The following COMMD10 variants were observed in gnomAD, a reference collection of about 807,000 sequenced individuals.
The protein encoded by COMMD10 is COMM domain-containing protein 10.
A neutral mutation model predicts 28.9 loss-of-function variants in COMMD10; 33 were observed. The ratio of observed to expected loss-of-function variants is 1.14; its 90% CI spans 0.87 to 1.53. The LOEUF is 1.53. COMMD10 is among the 40% of genes most tolerant of loss of function. The pLI is 0.00. For synonymous variants in COMMD10, 110 were observed against 81.7 expected, an observed-to-expected ratio of 1.35 and a Z score of -1.87; for missense variants, 310 against 233.4, an observed-to-expected ratio of 1.33 and a Z score of -2.14.
chr5:116,089,001 T>A (rs938168501), intron 2 of COMMD10, among the ~76,000 whole-genome samples: 1 of 152,212 alleles, frequency 6.6e-6, no homozygotes, highest in Non-Finnish European at 1.5e-5. Context: ...TTATTTTCCT[T>A]GCTGTGGAAA....
chr5:116,132,127 T>C (rs1472681307), intron 4 of COMMD10, among the ~76,000 whole-genome samples: 4 of 151,986 alleles, frequency 2.6e-5, no homozygotes, highest in Non-Finnish European at 4.4e-5. Context: ...TGGGAATATG[T>C]GGATGATGAG....
At chr5:116,249,542 A>T (rs902800389) in intron 5 of COMMD10, among the ~76,000 whole-genome samples, 14 of 151,976 alleles carry the variant, frequency 9.2e-5, no homozygotes, top group Non-Finnish European at 1.9e-4. Flanking sequence ...TGACTAGAGA[A>T]TTCAAAAATG....
At chr5:116,288,105 G>C (rs540584097) in intron 5 of COMMD10, among the ~76,000 whole-genome samples, 1 of 151,612 alleles carries the variant, frequency 6.6e-6, no homozygotes, top group African/African-American at 2.4e-5. Flanking sequence ...TTAGCATTTT[G>C]TATAGATTAG....
chr5:116,105,743 C>T (rs1231829822), intron 4 of COMMD10, among the ~76,000 whole-genome samples: 2 of 152,110 alleles, frequency 1.3e-5, no homozygotes, highest in East Asian at 1.9e-4. Context: ...AGTTTATTTG[C>T]GTAGATGTGT....
chr5:116,208,884 A>C (rs944448180), intron 5 of COMMD10, among the ~76,000 whole-genome samples: 1 of 152,188 alleles, frequency 6.6e-6, no homozygotes, highest in African/African-American at 2.4e-5. Flanking sequence ...CTGTGTATTT[A>C]TGGGATGCAG....
At chr5:116,178,233 C>T (rs1203289128) in intron 5 of COMMD10, among the ~76,000 whole-genome samples, 1 of 151,986 alleles carries the variant, frequency 6.6e-6, no homozygotes, top group East Asian at 1.9e-4. Flanking sequence ...TTCTTTTATT[C>T]TCATTAGTAT....
intron 4 of COMMD10, among the ~76,000 whole-genome samples, chr5:116,112,795 T>C (rs942143043): frequency 5.3e-5 from 8 of 152,216 alleles, no homozygotes; most frequent in Admixed American, 2.6e-4. Context: ...GTTCCTGTCA[T>C]ATTGTTTTTT....
At chr5:116,146,899 A>G (rs1288036614) in intron 5 of COMMD10, among the ~76,000 whole-genome samples, 1 of 151,828 alleles carries the variant, frequency 6.6e-6, no homozygotes, top group Non-Finnish European at 1.5e-5. Context: ...TTTGTTTTTC[A>G]AAGTTTCTCA....
At position 116,242,042 on chromosome 5, in the gene COMMD10, A is replaced by G. The variant is rs927988125; in HGVS notation, c.511-49475A>G. Among the ~76,000 whole-genome samples the G allele has an allele frequency of 3.3e-5, 5 of 152,178 alleles. No homozygotes were observed. The East Asian group carries it at 7.7e-4, about 23-fold the overall frequency. ...AGGCAGACCTATGTCACCTGGAGTCATAGGACCCTGAGTTATCTCCTAAGG... is the reference window on the plus strand; with the variant it reads ...AGGCAGACCTATGTCACCTGGAGTCGTAGGACCCTGAGTTATCTCCTAAGG... On this transcript the variant is annotated intron_variant, in intron 5 of 6. Transcript: ENST00000274458.
At chr5:116,119,367 A>G (rs891132580) in intron 4 of COMMD10, among the ~76,000 whole-genome samples, 1 of 152,224 alleles carries the variant, frequency 6.6e-6, no homozygotes, top group African/African-American at 2.4e-5. Context: ...TAGCAGCCAA[A>G]TTAAAAGTAC....
In COMMD10 at chr5:116,271,807, A is replaced by C. The variant is rs532011463; in HGVS notation, c.511-19710A>C. On this transcript the variant is annotated intron_variant, in intron 5 of 6. Coordinates refer to ENST00000274458, the MANE Select transcript of COMMD10 (RefSeq NM_016144.4). ...AACTCTTAGGCCATTATTTCCCCCTACTTTACATAATATTGCTCCATACAA... is the reference window on the plus strand; with the variant it reads ...AACTCTTAGGCCATTATTTCCCCCTCCTTTACATAATATTGCTCCATACAA... Among the ~76,000 whole-genome samples the C allele has an allele frequency of 1.5e-4, 23 of 151,802 alleles. 1 individual carries two copies. The highest frequency in any genetic ancestry group is 5.3e-4 in the African/African-American group (22 of 41,168).
chr5:116,292,635 A>G lies in COMMD10; in HGVS notation c.*146A>G. The G allele has an allele frequency of 1.9e-6, 1 of 521,224 alleles. No individual in the cohort carries two copies. The highest frequency in any genetic ancestry group is 3.0e-5 in the East Asian group (1 of 33,542). 32.3% of individuals were successfully genotyped at this position (521,224 alleles called of 1,614,324 possible). A position where few individuals can be genotyped will look rare whatever the true frequency, so the allele number is the denominator to read the frequency against. On this transcript the variant is annotated 3_prime_UTR_variant, in exon 7 of 7. Transcript: ENST00000274458. ...CTTATCACTTCTTAGACAAATAACA[A>G]CCAATAGAGATCATTGTTAAGAATA...
intron 5 of COMMD10, among the ~76,000 whole-genome samples, chr5:116,290,871 CTT>C (rs1338958935): frequency 6.6e-6 from 1 of 152,156 alleles, no homozygotes; most frequent in African/African-American, 2.4e-5. Context: ...TAATATCATA[CTT>C]TACTACAGCA....
At chr5:116,258,817 C>T (rs1209690127) in intron 5 of COMMD10, among the ~76,000 whole-genome samples, 1 of 151,538 alleles carries the variant, frequency 6.6e-6, no homozygotes, top group Non-Finnish European at 1.5e-5. Flanking sequence ...ATCTGCCTCT[C>T]CCTGCACCTC....
intron 5 of COMMD10, among the ~76,000 whole-genome samples, chr5:116,209,173 A>C (rs1748895774): frequency 6.6e-6 from 1 of 151,996 alleles, no homozygotes; most frequent in Non-Finnish European, 1.5e-5. Flanking sequence ...ACTTTGACTA[A>C]TTTAATAATT....
intron 5 of COMMD10, among the ~76,000 whole-genome samples, chr5:116,204,086 C>CA (rs571168139): frequency 0.012 from 1,889 of 151,392 alleles, 36 homozygotes; most frequent in African/African-American, 0.04. Flanking sequence ...GCAGGGGTTG[C>CA]ATCCTAGTCT....
chr5:116,222,815 C>T (rs1749297211), intron 5 of COMMD10, among the ~76,000 whole-genome samples: 1 of 152,084 alleles, frequency 6.6e-6, no homozygotes, highest in Non-Finnish European at 1.5e-5. Context: ...CCTCAGCCTC[C>T]CAAGTAGCTG....
At chr5:116,246,640 C>T (rs1749957904) in intron 5 of COMMD10, among the ~76,000 whole-genome samples, 1 of 151,928 alleles carries the variant, frequency 6.6e-6, no homozygotes, top group Non-Finnish European at 1.5e-5. Context: ...CAAAAAAAGA[C>T]ACATAGCCTA....
intron 5 of COMMD10, among the ~76,000 whole-genome samples, chr5:116,177,856 G>C (rs1430255460): frequency 1.3e-5 from 2 of 151,928 alleles, no homozygotes; most frequent in Non-Finnish European, 2.9e-5. Flanking sequence ...ACTGAGTTTT[G>C]TTTCCTTATT....
Sources: allele counts gnomAD v4.1 joint callset (sites outside exome capture counted in the v4.1 genomes callset), GRCh38; gene constraint gnomAD v4.1.1; transcripts MANE v1.5; gene names NCBI Gene and HGNC (gene_info 2026-07-23, HGNC 2026-07-21).